MTMR2: variants seen among roughly 807,000 people sequenced by gnomAD.
MTMR2 encodes phosphatidylinositol-3,5-bisphosphate 3-phosphatase MTMR2.
In MTMR2, 55 loss-of-function variants were observed where a neutral mutation model predicts 86.9. The ratio of observed to expected loss-of-function variants is 0.63; its 90% CI spans 0.51 to 0.79. MTMR2 has a LOEUF of 0.79. Ranked by LOEUF, MTMR2 falls within the 30% of genes least tolerant of loss-of-function variation. The pLI is 0.00. For missense variants in MTMR2, 659 were observed against 772.3 expected, an observed-to-expected ratio of 0.85 and a Z score of 1.74; for synonymous variants, 241 against 266.8, an observed-to-expected ratio of 0.90 and a Z score of 0.94.
At chr11:95,906,307 T>C (rs767360358) in intron 1 of MTMR2, among the ~76,000 whole-genome samples, 1 of 152,126 alleles carries the variant, frequency 6.6e-6, no homozygotes. Context: ...ATTATACCCA[T>C]TATAAAATGG....
intron 1 of MTMR2, among the ~76,000 whole-genome samples, chr11:95,899,108 T>C (rs1865982938): frequency 6.6e-6 from 1 of 152,136 alleles, no homozygotes; most frequent in Non-Finnish European, 1.5e-5. Flanking sequence ...AGTCGAAGAA[T>C]AGATTACAAG....
chr11:95,847,757 C>A lies in MTMR2; in HGVS notation c.1136G>T (p.Trp379Leu). ...IVYPNIEETH[W>L]LSNLESTHWL... The stretch of plus-strand genomic sequence containing the variant: ...ATGAGTAGATTCCAAGTTAGACAAC[C>A]AGTGGGTTTCCTCAATGTTGGGGTA... The change falls in exon 10 of 15, where the codon TGG becomes TTG. Residue 379 changes from tryptophan (W) to leucine (L), a missense_variant. Physicochemically the swap from Trp to Leu is moderately conservative, Grantham distance 61 (BLOSUM62 -2). Around this residue, in one of 3 missense-constraint regions of MTMR2, gnomAD observed 387 missense variants for 526.3 expected, o/e 0.74. Coordinates refer to ENST00000346299, the MANE Select transcript of MTMR2 (RefSeq NM_016156.6). 1 of 1,613,574 alleles carries A rather than the reference C, an allele frequency of 6.2e-7. No homozygotes were observed. Among genetic ancestry groups the A allele is most frequent in the Non-Finnish European group, 8.5e-7 (1 of 1,179,562 alleles).
At position 95,849,808 on chromosome 11, in the gene MTMR2, G is replaced by A; in HGVS notation, c.859C>T (p.Pro287Ser). ...SQATITRCSQ[P>S]MVGVSGKRSK... ...CGCTTTCCACTCACTCCAACCATGG[G>A]CTGGCTACACCGAGTGATTGTGGCT... The change falls in exon 9 of 15, where the codon CCC becomes TCC. Residue 287 changes from proline (P) to serine (S), a missense_variant. Pro to Ser is a moderately conservative substitution (Grantham distance 74). Around this residue, in one of 3 missense-constraint regions of MTMR2, gnomAD observed 387 missense variants for 526.3 expected, o/e 0.74. Coordinates refer to ENST00000346299, the MANE Select transcript of MTMR2 (RefSeq NM_016156.6). 1.2e-6 allele frequency: 2 copies of A among 1,614,098 alleles called. No homozygotes were observed. The highest frequency in any genetic ancestry group is 1.1e-5 in the South Asian group (1 of 91,072).
chr11:95,897,130 T>G (rs188651256), intron 1 of MTMR2, among the ~76,000 whole-genome samples: 1 of 152,158 alleles, frequency 6.6e-6, no homozygotes, highest in Non-Finnish European at 1.5e-5. Context: ...TAGACCTCTT[T>G]GAAAATCCCA....
intron 2 of MTMR2, among the ~76,000 whole-genome samples, chr11:95,870,491 G>T (rs868169085): frequency 2.0e-5 from 3 of 151,982 alleles, no homozygotes; most frequent in Non-Finnish European, 2.9e-5. Context: ...GAAATAAAGA[G>T]GAATATGATA....
At position 95,909,275 on chromosome 11, in the gene MTMR2, C is replaced by T. The variant is rs140420393; in HGVS notation, c.80+14600G>A. Among the ~76,000 whole-genome samples the T allele has an allele frequency of 5.9e-4, 89 of 152,088 alleles. 3 individuals carry two copies. Among genetic ancestry groups the T allele is most frequent in the Middle Eastern group, 3.4e-3 (1 of 294 alleles). On this transcript the variant is annotated intron_variant, in intron 1 of 14. Transcript: ENST00000346299. ...TTCAAAATAGAATCAATAAATAAGA[C>T]AAAGCACTCTTCACTTATTTTTTTG...
chr11:95,906,052 T>C (rs1294653485), intron 1 of MTMR2, among the ~76,000 whole-genome samples: 1 of 152,072 alleles, frequency 6.6e-6, no homozygotes, highest in Non-Finnish European at 1.5e-5. Context: ...TGGCAAAACC[T>C]TGTCTCCACT....
chr11:95,875,607 A>C (rs2135515491), intron 2 of MTMR2, among the ~76,000 whole-genome samples: 1 of 152,276 alleles, frequency 6.6e-6, no homozygotes, highest in East Asian at 1.9e-4. Flanking sequence ...CGTCAAAGTC[A>C]TTCTCTGTCC....
At chr11:95,907,831 C>A in intron 1 of MTMR2, 3 of 420,024 alleles carry the variant, frequency 7.1e-6, no homozygotes, top group South Asian at 1.8e-5. Flanking sequence ...TGTTAAAAAC[C>A]TTCCACAAAC....
rs11454567 is a variant in MTMR2, at chr11:95,856,333, C to CTT, written c.654+1217_654+1218dup. Among the ~76,000 whole-genome samples, 115 of 145,304 alleles carry CTT rather than the reference C, an allele frequency of 7.9e-4. 2 individuals carry two copies. The highest frequency in any genetic ancestry group is 1.5e-3 in the South Asian group (7 of 4,604). On this transcript the variant is annotated intron_variant, in intron 7 of 14. Coordinates refer to ENST00000346299, the MANE Select transcript of MTMR2 (RefSeq NM_016156.6). ...TACAGAATGCAAGTATTACCACTTC[C>CTT]TTTTTTTTTTTTATTTAAAGGGGGG...
chr11:95,837,018 T>A lies in MTMR2; in HGVS notation c.1594-694A>T, dbSNP rs187430548. On this transcript the variant is annotated intron_variant, in intron 13 of 14. Transcript: ENST00000346299. Reference sequence around the variant, plus strand: ...TTATTATCAATTTAAAAAGTTTTTTTAAAAATAATCAATGATTCCTACCCC... The same window carrying A: ...TTATTATCAATTTAAAAAGTTTTTTAAAAAATAATCAATGATTCCTACCCC... 2.4e-3 allele frequency among the ~76,000 whole-genome samples: 370 copies of A among 152,136 alleles called. 1 individual carries two copies. Among genetic ancestry groups the A allele is most frequent in the Admixed American group, 3.4e-3 (52 of 15,264 alleles).
At chr11:95,854,759 C>A (rs1355429487) in intron 7 of MTMR2, among the ~76,000 whole-genome samples, 1 of 151,516 alleles carries the variant, frequency 6.6e-6, no homozygotes, top group Admixed American at 6.6e-5. Flanking sequence ...AACCACTGTA[C>A]TGGACTGCTC....
At chr11:95,862,907 C>G (rs966408604) in intron 3 of MTMR2, among the ~76,000 whole-genome samples, 9 of 152,112 alleles carry the variant, frequency 5.9e-5, no homozygotes, top group Non-Finnish European at 1.5e-5. Context: ...AATATAATTT[C>G]TTAGAAAAAT....
intron 1 of MTMR2, among the ~76,000 whole-genome samples, chr11:95,897,999 A>G (rs1369180213): frequency 6.6e-6 from 1 of 152,184 alleles, no homozygotes; most frequent in Non-Finnish European, 1.5e-5. Context: ...GCCAACTTGA[A>G]AAAATGGAAA....
chr11:95,902,014 T>C (rs1866092421), intron 1 of MTMR2, among the ~76,000 whole-genome samples: 1 of 152,188 alleles, frequency 6.6e-6, no homozygotes, highest in South Asian at 2.1e-4. Context: ...TAAGATCTGA[T>C]AGTAAATGAA....
At chr11:95,906,759 G>T (rs1866292965) in intron 1 of MTMR2, among the ~76,000 whole-genome samples, 1 of 152,116 alleles carries the variant, frequency 6.6e-6, no homozygotes, top group South Asian at 2.1e-4. Flanking sequence ...CAATTACATG[G>T]TAATTTAACA....
chr11:95,851,303 A>AC (rs1414370016), intron 7 of MTMR2, among the ~76,000 whole-genome samples: 3 of 151,874 alleles, frequency 2.0e-5, no homozygotes, highest in Non-Finnish European at 4.4e-5. Context: ...TTGGCCTCCC[A>AC]AAGTGCTGTG....
chr11:95,869,706 C>T (rs562893401), intron 2 of MTMR2, among the ~76,000 whole-genome samples: 12 of 152,124 alleles, frequency 7.9e-5, no homozygotes, highest in Non-Finnish European at 1.5e-4. Flanking sequence ...GGAATAATGT[C>T]TACCTGAGAG....
chr11:95,840,656 A>C (rs1358897741), intron 12 of MTMR2, among the ~76,000 whole-genome samples: 1 of 152,162 alleles, frequency 6.6e-6, no homozygotes, highest in Non-Finnish European at 1.5e-5. Flanking sequence ...AATTCACCCA[A>C]GTAGAAATGC....
Sources: gnomAD v4.1 joint callset for allele counts (sites outside exome capture counted in the v4.1 genomes callset) on GRCh38, gnomAD v4.1.1 for gene constraint, gnomAD v4.1.1 regional missense constraint, MANE v1.5 for transcripts, NCBI Gene and HGNC (gene_info 2026-07-23, HGNC 2026-07-21) for gene names.